Variants in CNBD1 observed in about 807,000 individuals in gnomAD.
CNBD1 encodes the protein cyclic nucleotide-binding domain-containing protein 1.
CNBD1 carries 71 observed loss-of-function variants against 54.4 expected under a neutral mutation model. The observed-to-expected ratio is 1.30, with a 90% CI of 1.08 to 1.59. CNBD1 has a LOEUF of 1.59. Among genes scored for constraint, CNBD1 ranks in the 40% most tolerant of loss-of-function variants. The pLI, the probability that CNBD1 is intolerant of heterozygous loss-of-function variation, is 0.00. For synonymous variants in CNBD1, 182 were observed against 170.7 expected, an observed-to-expected ratio of 1.07 and a Z score of -0.51; for missense variants, 659 against 518.0, an observed-to-expected ratio of 1.27 and a Z score of -2.64.
intron 4 of CNBD1, among the ~76,000 whole-genome samples, chr8:86,977,387 A>G (rs1344016831): frequency 1.3e-5 from 2 of 151,960 alleles, no homozygotes; most frequent in Non-Finnish European, 2.9e-5. Context: ...TTCACTCTTT[A>G]TTCTTTTTCT....
At chr8:86,976,050 C>G (rs1174111359) in intron 4 of CNBD1, among the ~76,000 whole-genome samples, 1 of 151,648 alleles carries the variant, frequency 6.6e-6, no homozygotes, top group Admixed American at 6.6e-5. Flanking sequence ...TATCCCAGTC[C>G]TTTGCCTATG....
At chr8:87,095,682 G>A (rs1002310563) in intron 4 of CNBD1, among the ~76,000 whole-genome samples, 1 of 152,052 alleles carries the variant, frequency 6.6e-6, no homozygotes, top group African/African-American at 2.4e-5. Flanking sequence ...TTTTGAGACG[G>A]AGTCTCGCTC....
At chr8:86,977,840 C>T (rs1586175817) in intron 4 of CNBD1, among the ~76,000 whole-genome samples, 2 of 152,096 alleles carry the variant, frequency 1.3e-5, no homozygotes, top group Middle Eastern at 3.2e-3. Context: ...TTCTCACACT[C>T]TTTCAAAAAC....
intron 10 of CNBD1, among the ~76,000 whole-genome samples, chr8:87,358,050 C>A (rs1404498904): frequency 6.6e-6 from 1 of 152,240 alleles, no homozygotes; most frequent in East Asian, 1.9e-4. Flanking sequence ...TCCTTCTCTG[C>A]CTTCCACCAT....
chr8:87,214,728 A>G (rs941674525), intron 5 of CNBD1, among the ~76,000 whole-genome samples: 1 of 152,248 alleles, frequency 6.6e-6, no homozygotes, highest in Non-Finnish European at 1.5e-5. Flanking sequence ...GCAAAGTTGA[A>G]GCAAGACACA....
At chr8:87,263,551 T>A (rs1808187249) in intron 6 of CNBD1, among the ~76,000 whole-genome samples, 1 of 152,196 alleles carries the variant, frequency 6.6e-6, no homozygotes, top group Admixed American at 6.5e-5. Flanking sequence ...AGTAATTGTT[T>A]TTTTCAAAGC....
intron 4 of CNBD1, among the ~76,000 whole-genome samples, chr8:87,060,678 C>G (rs950436744): frequency 6.6e-6 from 1 of 151,900 alleles, no homozygotes; most frequent in Non-Finnish European, 1.5e-5. Flanking sequence ...AAAAATAGGT[C>G]AGAGAGAAAA....
intron 4 of CNBD1, among the ~76,000 whole-genome samples, chr8:86,982,398 T>G (rs1235720477): frequency 6.6e-6 from 1 of 152,220 alleles, no homozygotes; most frequent in African/African-American, 2.4e-5. Context: ...TCTCTTATAT[T>G]TCATTCTAGA....
intron 4 of CNBD1, among the ~76,000 whole-genome samples, chr8:87,022,960 G>A (rs1025672586): frequency 3.3e-5 from 5 of 152,138 alleles, no homozygotes; most frequent in Admixed American, 1.3e-4. Context: ...GAACCCAGGT[G>A]CTTTCAACTA....
intron 10 of CNBD1, among the ~76,000 whole-genome samples, chr8:87,370,826 G>A (rs1810770343): frequency 6.7e-6 from 1 of 150,284 alleles, no homozygotes. Context: ...GAATGGTAAT[G>A]CCTAGGTTTT....
intron 4 of CNBD1, among the ~76,000 whole-genome samples, chr8:87,159,059 A>T (rs1812803202): frequency 6.6e-6 from 1 of 152,118 alleles, no homozygotes; most frequent in Non-Finnish European, 1.5e-5. Context: ...TTTGTAGTTA[A>T]TGAGCTGCCA....
At chr8:87,323,831 AAC>A (rs1809598514) in intron 8 of CNBD1, among the ~76,000 whole-genome samples, 1 of 125,306 alleles carries the variant, frequency 8.0e-6, no homozygotes, top group Non-Finnish European at 1.8e-5. Context: ...CAGAACTTCC[AAC>A]ACTGTGTTGA....
At chr8:87,137,025 A>G (rs1362205685) in intron 4 of CNBD1, among the ~76,000 whole-genome samples, 1 of 107,500 alleles carries the variant, frequency 9.3e-6, no homozygotes, top group Non-Finnish European at 1.7e-5. Context: ...AATTATATAT[A>G]TTATATTTAT....
chr8:87,369,820 C>T (rs910378838), intron 10 of CNBD1, among the ~76,000 whole-genome samples: 6 of 151,968 alleles, frequency 3.9e-5, no homozygotes, highest in Non-Finnish European at 7.4e-5. Flanking sequence ...TGGTGTGCTG[C>T]ACCCATTAAC....
chr8:87,093,950 G>A (rs1033815707), intron 4 of CNBD1, among the ~76,000 whole-genome samples: 4 of 152,148 alleles, frequency 2.6e-5, no homozygotes, highest in Non-Finnish European at 5.9e-5. Context: ...TAGGAACAGA[G>A]AACACAATAG....
chr8:87,114,768 G>A (rs900785223), intron 4 of CNBD1, among the ~76,000 whole-genome samples: 2 of 152,104 alleles, frequency 1.3e-5, no homozygotes, highest in African/African-American at 4.8e-5. Flanking sequence ...GAGGGCGTTT[G>A]CATTTAGGGA....
intron 6 of CNBD1, among the ~76,000 whole-genome samples, chr8:87,280,311 G>T (rs924022971): frequency 2.0e-5 from 3 of 151,492 alleles, no homozygotes; most frequent in African/African-American, 7.3e-5. Flanking sequence ...CTGGAGCAGT[G>T]CTTATTACTC....
At chr8:87,124,087 CA>C (rs888882381) in intron 4 of CNBD1, among the ~76,000 whole-genome samples, 13 of 151,316 alleles carry the variant, frequency 8.6e-5, no homozygotes, top group African/African-American at 3.1e-4. Flanking sequence ...TGAAAATTTC[CA>C]AAAAAATGAA....
chr8:87,306,182 G>A (rs377501063), intron 8 of CNBD1, among the ~76,000 whole-genome samples: 4 of 152,134 alleles, frequency 2.6e-5, no homozygotes, highest in African/African-American at 9.7e-5. Context: ...TAAAGGAAAT[G>A]CAAATCAAAA....
Sources: gnomAD v4.1 joint callset for allele counts (sites outside exome capture counted in the v4.1 genomes callset) on GRCh38, gnomAD v4.1.1 for gene constraint, MANE v1.5 for transcripts, NCBI Gene and HGNC (gene_info 2026-07-23, HGNC 2026-07-21) for gene names.